Variants in GPM6A observed in about 807,000 individuals in gnomAD.
GPM6A encodes the protein neuronal membrane glycoprotein M6-a.
GPM6A carries 7 observed loss-of-function variants against 32.1 expected under a neutral mutation model. That is an observed-to-expected ratio of 0.22 (90% CI 0.12 to 0.41). The LOEUF is 0.41. Among genes scored for constraint, GPM6A ranks in the 10% least tolerant of loss-of-function variants. The pLI is 1.00. For synonymous variants in GPM6A, 130 were observed against 123.4 expected (o/e 1.05, Z -0.35); for missense variants, 235 against 347.2 (o/e 0.68, Z 2.57).
At chr4:175,812,805 C>A, upstream of GPM6A, 2 of 985,350 alleles carry the variant, frequency 2.0e-6, no homozygotes, top group Non-Finnish European at 2.4e-6. Context: ...GCTTCTCACC[C>A]AGTCAGATAC....
At chr4:175,820,504 T>TA (rs1370997888) in intron 1 of GPM6A, among the ~76,000 whole-genome samples, 1 of 141,948 alleles carries the variant, frequency 7.0e-6, no homozygotes, top group African/African-American at 2.6e-5. Context: ...TTCTTTCTTT[T>TA]TTTTTTTTTT....
intron 1 of GPM6A, among the ~76,000 whole-genome samples, chr4:175,722,701 C>A (rs1026042935): frequency 5.9e-5 from 9 of 151,974 alleles, no homozygotes; most frequent in African/African-American, 2.2e-4. Context: ...GCATGATGTA[C>A]AATATGTATA....
chr4:175,984,869 G>A (rs1472749575), intron 1 of GPM6A, among the ~76,000 whole-genome samples: 1 of 151,982 alleles, frequency 6.6e-6, no homozygotes, highest in African/African-American at 2.4e-5. Context: ...TTTTTGAGTA[G>A]GCCTACATTG....
At chr4:175,743,972 A>C (rs1731993762) in intron 1 of GPM6A, among the ~76,000 whole-genome samples, 1 of 149,470 alleles carries the variant, frequency 6.7e-6, no homozygotes, top group Non-Finnish European at 1.5e-5. Flanking sequence ...AAAAAAAAAA[A>C]CAAAAGGTCA....
chr4:175,637,260 A>AATATATAT (rs1740720386), intron 6 of GPM6A, among the ~76,000 whole-genome samples: 1 of 33,828 alleles, frequency 3.0e-5, no homozygotes, highest in Non-Finnish European at 5.1e-5. Flanking sequence ...ATAATATAAA[A>AATATATAT]TATATATTAT....
At chr4:175,903,856 C>G (rs1414518596) in intron 1 of GPM6A, among the ~76,000 whole-genome samples, 1 of 152,074 alleles carries the variant, frequency 6.6e-6, no homozygotes, top group East Asian at 1.9e-4. Context: ...AAAATTGGGA[C>G]AGCCAGCCAA....
rs142450332 is a variant in GPM6A at position 175,860,750 on chromosome 4, C to T, written c.-22-48501G>A. On this transcript the variant is annotated intron_variant, in intron 1 of 7. Coordinates refer to the GPM6A transcript ENST00000280187. ...TCATCACTTCATGGCCTCTTCCTCC[C>T]ATGCAGTGCCTCTAGGAGTAGAACC... is the stretch of plus-strand genomic sequence containing the variant. Among the ~76,000 whole-genome samples the T allele has an allele frequency of 7.2e-5, 11 of 152,274 alleles. No homozygotes were observed. In the East Asian group the frequency reaches 2.1e-3, roughly 29 times the overall value.
chr4:175,980,189 A>C (rs956674049), intron 1 of GPM6A, among the ~76,000 whole-genome samples: 1 of 152,106 alleles, frequency 6.6e-6, no homozygotes, highest in African/African-American at 2.4e-5. Context: ...GCAAGACTCT[A>C]CAAAAACTAC....
upstream of GPM6A, among the ~76,000 whole-genome samples, chr4:175,816,147 C>T (rs1169929425): frequency 2.0e-5 from 3 of 152,206 alleles, no homozygotes; most frequent in Non-Finnish European, 1.5e-5. Context: ...GCTATGCTCA[C>T]ATCACCGCAC....
In GPM6A at chr4:175,723,655, G is replaced by T. The variant is rs532695929; in HGVS notation, c.38-21888C>A. Among the ~76,000 whole-genome samples, 20 of 152,080 alleles carry T rather than the reference G, an allele frequency of 1.3e-4. No individual in the cohort carries two copies. The South Asian group carries it at 2.7e-3, about 21-fold the overall frequency. On this transcript the variant is annotated intron_variant, in intron 1 of 6. Coordinates refer to ENST00000393658, the MANE Select transcript of GPM6A (RefSeq NM_201591.3). ...CCTAAATTAAGAAACAATATGGAAT[G>T]GAATGTTCATCTTACAGCCTTGTTG...
intron 1 of GPM6A, among the ~76,000 whole-genome samples, chr4:175,963,907 A>T (rs1453062925): frequency 6.6e-6 from 1 of 152,148 alleles, no homozygotes; most frequent in Non-Finnish European, 1.5e-5. Flanking sequence ...ATCTGTGGTA[A>T]TATAGTATTG....
intron 1 of GPM6A, among the ~76,000 whole-genome samples, chr4:175,827,646 C>A (rs559430817): frequency 6.6e-6 from 1 of 152,260 alleles, no homozygotes; most frequent in African/African-American, 2.4e-5. Flanking sequence ...CACAAGCCTT[C>A]GGGCCATTCT....
At chr4:175,831,033 T>A (rs1735594707) in intron 1 of GPM6A, among the ~76,000 whole-genome samples, 1 of 152,214 alleles carries the variant, frequency 6.6e-6, no homozygotes, top group African/African-American at 2.4e-5. Context: ...TTTAAAAAAA[T>A]ACAATTCCTT....
At chr4:175,765,150 C>T (rs750604082) in intron 1 of GPM6A, among the ~76,000 whole-genome samples, 1 of 152,122 alleles carries the variant, frequency 6.6e-6, no homozygotes, top group Non-Finnish European at 1.5e-5. Context: ...GTTGGGATTA[C>T]AGGCTTGAGC....
intron 1 of GPM6A, among the ~76,000 whole-genome samples, chr4:175,823,060 G>C (rs1255230048): frequency 6.6e-6 from 1 of 152,070 alleles, no homozygotes; most frequent in Non-Finnish European, 1.5e-5. Flanking sequence ...TCTAACATTC[G>C]TAACACCTCT....
chr4:175,795,509 G>A (rs1040529615), intron 1 of GPM6A, among the ~76,000 whole-genome samples: 10 of 152,068 alleles, frequency 6.6e-5, no homozygotes, highest in Admixed American at 3.3e-4. Flanking sequence ...CAACATTTTC[G>A]GTGGCCAAGG....
intron 1 of GPM6A, among the ~76,000 whole-genome samples, chr4:175,731,526 C>T (rs1012972111): frequency 6.6e-6 from 1 of 152,096 alleles, no homozygotes; most frequent in African/African-American, 2.4e-5. Flanking sequence ...GCTCAGTGTC[C>T]TCTACACAGT....
At chr4:175,970,589 G>C (rs1293332159) in intron 1 of GPM6A, among the ~76,000 whole-genome samples, 2 of 152,146 alleles carry the variant, frequency 1.3e-5, no homozygotes, top group East Asian at 3.8e-4. Flanking sequence ...TTCTTTCTAA[G>C]CTTATTTCTT....
chr4:175,796,797 C>G (rs1374550391), intron 1 of GPM6A, among the ~76,000 whole-genome samples: 3 of 152,152 alleles, frequency 2.0e-5, no homozygotes, highest in Non-Finnish European at 4.4e-5. Flanking sequence ...AAGAAGCAAA[C>G]AGCATGCACC....
Sources: gnomAD v4.1 joint callset for allele counts (sites outside exome capture counted in the v4.1 genomes callset) on GRCh38, gnomAD v4.1.1 for gene constraint, MANE v1.5 for transcripts, NCBI Gene and HGNC (gene_info 2026-07-23, HGNC 2026-07-21) for gene names.